Variants in CMC2 observed in about 807,000 individuals in gnomAD.
CMC2 encodes the protein COX assembly mitochondrial protein 2 homolog.
CMC2 carries 5 observed loss-of-function variants against 7.5 expected under a neutral mutation model. The observed-to-expected ratio is 0.66, with a 90% CI of 0.35 to 1.40. CMC2 has a LOEUF of 1.40. CMC2 is among the 40% of genes most tolerant of loss of function. The probability of loss-of-function intolerance (pLI) is 0.04; values close to 1 mark genes in which losing one functional copy is unlikely to be tolerated. For synonymous variants in CMC2, 37 were observed against 31.4 expected (o/e 1.18, Z -0.60); for missense variants, 115 against 92.3 (o/e 1.25, Z -1.01).
chr16:81,004,870 TAGTATA>T (rs1237657483), intron 1 of CMC2, among the ~76,000 whole-genome samples: 1 of 152,226 alleles, frequency 6.6e-6, no homozygotes, highest in Non-Finnish European at 1.5e-5. Flanking sequence ...GTATTAACTC[TAGTATA>T]AAGAAAACGG....
At chr16:81,002,988 C>T (rs2549868) in intron 1 of CMC2, among the ~76,000 whole-genome samples, 95,483 of 151,716 alleles carry the variant, frequency 0.63, 31,550 homozygotes, top group South Asian at 0.79. Flanking sequence ...CCATCACTCC[C>T]TTCTTTCTTC....
At chr16:80,992,081 A>C (rs1968044154) in intron 2 of CMC2, 1 of 365,240 alleles carries the variant, frequency 2.7e-6, no homozygotes, top group Non-Finnish European at 5.5e-6. Context: ...TATCAATGTA[A>C]GATGTTAATA....
At chr16:80,997,748 T>C (rs1968540456) in intron 1 of CMC2, 1 of 168,112 alleles carries the variant, frequency 5.9e-6, no homozygotes, top group African/African-American at 2.4e-5. Flanking sequence ...TCAAATATTT[T>C]CGCCACATTC....
intron 2 of CMC2, among the ~76,000 whole-genome samples, chr16:80,985,872 G>T (rs1406207769): frequency 2.2e-5 from 2 of 89,394 alleles, no homozygotes; most frequent in Non-Finnish European, 4.4e-5. Flanking sequence ...AGGCTTGGAA[G>T]ACAGAAATAT....
rs1312803195 is a variant in CMC2 at position 80,972,404 on chromosome 16, G to A, written c.*3689C>T. 1 of 152,040 alleles carries A rather than the reference G, an allele frequency of 6.6e-6. No homozygotes were observed. Among genetic ancestry groups the A allele is most frequent in the Non-Finnish European group, 1.5e-5 (1 of 68,022 alleles). The allele number at this position is 152,040 out of a possible 1,614,324, so 9.4% of individuals were successfully genotyped here. ...TTTTTTTCTAAGAACAGAATGATTT[G>A]TATGTCTACCAGGCAGATCAATGGC... On this transcript the variant is annotated 3_prime_UTR_variant, in exon 4 of 4. Transcript: ENST00000219400.
intron 1 of CMC2, among the ~76,000 whole-genome samples, chr16:81,000,665 G>A (rs913993501): frequency 6.6e-6 from 1 of 152,144 alleles, no homozygotes; most frequent in Non-Finnish European, 1.5e-5. Context: ...TCACATCAGT[G>A]AGAATGGCTA....
chr16:80,997,062 G>T (rs1163385074), intron 2 of CMC2: 2 of 544,110 alleles, frequency 3.7e-6, no homozygotes, highest in Non-Finnish European at 6.8e-6. Flanking sequence ...TAAGAACATG[G>T]ATTCCAACTG....
chr16:80,975,367 A>C lies in CMC2; in HGVS notation c.*726T>G, dbSNP rs1355328027. The C allele has an allele frequency of 6.6e-6, 1 of 152,278 alleles. No homozygotes were observed. Among genetic ancestry groups the C allele is most frequent in the Non-Finnish European group, 1.5e-5 (1 of 68,088 alleles). The allele number at this position is 152,278 out of a possible 1,614,324, so 9.4% of individuals were successfully genotyped here. ...AGTGGCTCACGCTTGTAATCCCAACACTTTGGGAGGCTGAAGTGGGCGGAT... is the reference window on the plus strand; with the variant it reads ...AGTGGCTCACGCTTGTAATCCCAACCCTTTGGGAGGCTGAAGTGGGCGGAT... On this transcript the variant is annotated 3_prime_UTR_variant, in exon 4 of 4. Transcript: ENST00000219400.
At chr16:81,002,251 C>A (rs1456583804) in intron 1 of CMC2, among the ~76,000 whole-genome samples, 2 of 151,984 alleles carry the variant, frequency 1.3e-5, no homozygotes, top group Non-Finnish European at 2.9e-5. Context: ...ATGCCGAAAC[C>A]CCATCTCTAC....
At position 80,997,787 on chromosome 16, in the gene CMC2, T is replaced by A. The variant is rs183199455; in HGVS notation, c.-35-358A>T. ...AAATTAACAACTCATTTTGTTCAGA[T>A]GAAATTCTACCAATTAAGAGAATTG... On this transcript the variant is annotated intron_variant, in intron 1 of 3. Transcript: ENST00000219400. 4.2e-3 allele frequency: 662 copies of A among 158,800 alleles called. 3 individuals carry two copies. Among genetic ancestry groups the A allele is most frequent in the Non-Finnish European group, 4.8e-3 (348 of 72,202 alleles). 9.8% of individuals were successfully genotyped at this position (158,800 alleles called of 1,614,324 possible).
intron 2 of CMC2, chr16:80,984,195 G>T (rs2151624786): frequency 6.6e-6 from 1 of 152,322 alleles, no homozygotes; most frequent in Admixed American, 6.5e-5. Context: ...CTGAAGTTAA[G>T]AACCTGAATT....
At chr16:80,986,333 G>C (rs1967533587) in intron 2 of CMC2, among the ~76,000 whole-genome samples, 1 of 152,130 alleles carries the variant, frequency 6.6e-6, no homozygotes, top group South Asian at 2.1e-4. Context: ...CTGGGCGACA[G>C]AGAGAAACTC....
intron 2 of CMC2, among the ~76,000 whole-genome samples, chr16:80,985,900 G>A (rs1355474522): frequency 1.3e-3 from 10 of 7,612 alleles, no homozygotes; most frequent in African/African-American, 2.8e-3. Flanking sequence ...CCATATACCT[G>A]CAAAAAAAAA....
rs374970112 is a variant in CMC2 at position 80,997,362 on chromosome 16, A to C, written c.33T>G (p.Thr11=). The change falls in exon 2 of 4, where the codon ACT becomes ACG. Residue 11 remains threonine, a synonymous_variant. Coordinates refer to ENST00000219400, the MANE Select transcript of CMC2 (RefSeq NM_020188.5). ...AGTTAATCAAGACGTTGCATTCTTCAGTGTGCAAGTGTGGAGATAAGTCAG... is the reference window on the plus strand; with the variant it reads ...AGTTAATCAAGACGTTGCATTCTTCCGTGTGCAAGTGTGGAGATAAGTCAG... MHPDLSPHLH[T]EECNVLINLL... 2.5e-6 allele frequency: 4 copies of C among 1,612,780 alleles called. No individual in the cohort carries two copies. In the African/African-American group the frequency reaches 5.3e-5, roughly 22 times the overall value.
chr16:81,002,811 T>C (rs1211232463), intron 1 of CMC2, among the ~76,000 whole-genome samples: 1 of 152,218 alleles, frequency 6.6e-6, no homozygotes, highest in Non-Finnish European at 1.5e-5. Flanking sequence ...CAAATAATAA[T>C]TGTATATATT....
chr16:80,987,709 T>C (rs371657922), intron 2 of CMC2, among the ~76,000 whole-genome samples: 3 of 152,146 alleles, frequency 2.0e-5, no homozygotes, highest in South Asian at 4.1e-4. Context: ...AGGTAGGCTA[T>C]TTGGAGATAA....
At chr16:81,005,322 G>C (rs1009295816) in intron 1 of CMC2, among the ~76,000 whole-genome samples, 1 of 152,092 alleles carries the variant, frequency 6.6e-6, no homozygotes, top group African/African-American at 2.4e-5. Flanking sequence ...TGAGGCACGA[G>C]AATCACTAGA....
At chr16:80,993,060 A>C (rs973945015) in intron 2 of CMC2, among the ~76,000 whole-genome samples, 1 of 152,142 alleles carries the variant, frequency 6.6e-6, no homozygotes, top group African/African-American at 2.4e-5. Flanking sequence ...CATTTTTGAC[A>C]TTTAGATGTC....
intron 3 of CMC2, among the ~76,000 whole-genome samples, chr16:80,981,248 CT>C (rs1365724055): frequency 6.6e-6 from 1 of 151,396 alleles, no homozygotes; most frequent in Non-Finnish European, 1.5e-5. Flanking sequence ...TTGGCAGTGC[CT>C]GGAAAAAGAC....
Sources: gnomAD v4.1 joint callset for allele counts (sites outside exome capture counted in the v4.1 genomes callset) on GRCh38, gnomAD v4.1.1 for gene constraint, MANE v1.5 for transcripts, NCBI Gene and HGNC (gene_info 2026-07-23, HGNC 2026-07-21) for gene names.